Variants in RBFOX1 observed in about 807,000 individuals in gnomAD.
The protein encoded by RBFOX1 is RNA binding fox-1 homolog 1.
RBFOX1 carries 8 observed loss-of-function variants against 57.7 expected under a neutral mutation model. The observed-to-expected ratio is 0.14, with a 90% CI of 0.08 to 0.25. The LOEUF (loss-of-function observed/expected upper bound fraction) is 0.25. Among genes scored for constraint, RBFOX1 ranks in the 10% least tolerant of loss-of-function variants. The probability of loss-of-function intolerance (pLI) is 1.00; values close to 1 mark genes in which losing one functional copy is unlikely to be tolerated. For missense variants in RBFOX1, 611 were observed against 548.5 expected (o/e 1.11, Z -1.14); for synonymous variants, 326 against 222.4 (o/e 1.47, Z -4.15).
intron 1 of RBFOX1, among the ~76,000 whole-genome samples, chr16:6,071,050 C>T (rs1227981201): frequency 3.9e-5 from 6 of 152,112 alleles, no homozygotes; most frequent in Admixed American, 6.6e-5. Context: ...TGGCTGGGTG[C>T]GGTGGTTCAT....
At chr16:7,260,965 C>G (rs1246309595) in intron 4 of RBFOX1, among the ~76,000 whole-genome samples, 6 of 152,088 alleles carry the variant, frequency 3.9e-5, no homozygotes, top group African/African-American at 1.4e-4. Flanking sequence ...CTTCAAGGGT[C>G]AAGAAAGTTC....
At chr16:6,710,143 A>C (rs2063469218) in intron 3 of RBFOX1, among the ~76,000 whole-genome samples, 1 of 152,166 alleles carries the variant, frequency 6.6e-6, no homozygotes, top group Non-Finnish European at 1.5e-5. Flanking sequence ...AGGGGAGTCC[A>C]AATCCAAGCC....
intron 3 of RBFOX1, among the ~76,000 whole-genome samples, chr16:7,038,996 C>G (rs576638352): frequency 6.6e-6 from 1 of 151,980 alleles, no homozygotes; most frequent in Non-Finnish European, 1.5e-5. Context: ...AGAGCAGTGA[C>G]TCTCTTGATA....
intron 2 of RBFOX1, among the ~76,000 whole-genome samples, chr16:6,533,992 C>G (rs2153821543): frequency 6.6e-6 from 1 of 152,174 alleles, no homozygotes. Flanking sequence ...TATATACACA[C>G]ACACATACAC....
chr16:6,778,519 A>T (rs966765849), intron 3 of RBFOX1, among the ~76,000 whole-genome samples: 1 of 152,156 alleles, frequency 6.6e-6, no homozygotes, highest in African/African-American at 2.4e-5. Flanking sequence ...ATTCCCTAAG[A>T]TGATTAATAT....
At chr16:5,949,719 C>G (rs1198651172) in intron 4 of RBFOX1, among the ~76,000 whole-genome samples, 2 of 152,078 alleles carry the variant, frequency 1.3e-5, no homozygotes, top group African/African-American at 2.4e-5. Context: ...TCAAAATATG[C>G]TACCTCAACC....
intron 2 of RBFOX1, among the ~76,000 whole-genome samples, chr16:5,498,717 C>T (rs911396284): frequency 1.3e-5 from 2 of 152,210 alleles, no homozygotes; most frequent in East Asian, 3.8e-4. Context: ...TCTTATTTCC[C>T]AGCAGAAATT....
chr16:6,267,339 G>GT (rs1320485295), intron 1 of RBFOX1, among the ~76,000 whole-genome samples: 1 of 152,186 alleles, frequency 6.6e-6, no homozygotes, highest in Admixed American at 6.5e-5. Context: ...ATATTATTTG[G>GT]TGATTTGTTT....
chr16:7,154,972 G>C (rs1241882247), intron 4 of RBFOX1, among the ~76,000 whole-genome samples: 2 of 152,084 alleles, frequency 1.3e-5, no homozygotes, highest in Non-Finnish European at 2.9e-5. Flanking sequence ...TGTATCCTCA[G>C]AATAATATTT....
intron 3 of RBFOX1, among the ~76,000 whole-genome samples, chr16:6,880,183 T>C (rs1253679528): frequency 6.6e-6 from 1 of 151,176 alleles, no homozygotes; most frequent in African/African-American, 2.4e-5. Context: ...CCTCAATCTG[T>C]GTACTCCTTT....
At chr16:6,243,904 C>G (rs539353766) in intron 1 of RBFOX1, among the ~76,000 whole-genome samples, 1 of 152,238 alleles carries the variant, frequency 6.6e-6, no homozygotes, top group Non-Finnish European at 1.5e-5. Context: ...GCCATTGTAT[C>G]AACACTCATG....
chr16:6,178,828 C>T (rs780731826), intron 1 of RBFOX1, among the ~76,000 whole-genome samples: 1 of 152,124 alleles, frequency 6.6e-6, no homozygotes, highest in Non-Finnish European at 1.5e-5. Flanking sequence ...CTGTTTTTCA[C>T]TTGCAAATGA....
In RBFOX1 at chr16:5,657,732, C is replaced by CTTTTTTT; in HGVS notation, c.318+58775_318+58776insTTTTTTT. Among the ~76,000 whole-genome samples, 3 of 98,350 alleles carry CTTTTTTT rather than the reference C, an allele frequency of 3.1e-5. 1 individual carries two copies. Among genetic ancestry groups the CTTTTTTT allele is most frequent in the South Asian group, 4.0e-4 (1 of 2,522 alleles). The allele number at this position is 98,350 out of a possible 152,430, so 64.5% of individuals were successfully genotyped here. On this transcript the variant is annotated intron_variant, in intron 3 of 19. Transcript: ENST00000641259. ...TTTCTCTCTTTCTTTTGTTTCTTTT[C>CTTTTTTT]TTTTCTTTTTTTTTTTTTGAGACAG...
At chr16:6,024,494 C>T (rs1281902143) in intron 1 of RBFOX1, among the ~76,000 whole-genome samples, 1 of 151,276 alleles carries the variant, frequency 6.6e-6, no homozygotes, top group Non-Finnish European at 1.5e-5. Flanking sequence ...CTCATCTCCG[C>T]TTTCTTTTTT....
intron 1 of RBFOX1, among the ~76,000 whole-genome samples, chr16:6,099,854 C>G (rs753473872): frequency 5.3e-5 from 8 of 152,162 alleles, no homozygotes; most frequent in Non-Finnish European, 1.2e-4. Flanking sequence ...ACATGAATAA[C>G]AAATATTTTA....
intron 2 of RBFOX1, among the ~76,000 whole-genome samples, chr16:6,653,419 G>A (rs1428208961): frequency 6.6e-6 from 1 of 152,148 alleles, no homozygotes; most frequent in Non-Finnish European, 1.5e-5. Context: ...GCCAAGAGTT[G>A]CTAAAGAAAT....
chr16:6,124,623 C>G (rs1285245980), intron 1 of RBFOX1, among the ~76,000 whole-genome samples: 2 of 152,132 alleles, frequency 1.3e-5, no homozygotes, highest in Non-Finnish European at 2.9e-5. Context: ...CCACTTCAGC[C>G]TTCCGAGTAG....
intron 3 of RBFOX1, chr16:6,704,059 C>A (rs1413821070): frequency 2.0e-5 from 3 of 152,394 alleles, no homozygotes; most frequent in East Asian, 3.9e-4. Flanking sequence ...TCCTCGAGCT[C>A]TTTGAAGTTG....
At chr16:7,176,491 C>T (rs1213280646) in intron 4 of RBFOX1, among the ~76,000 whole-genome samples, 3 of 151,950 alleles carry the variant, frequency 2.0e-5, no homozygotes, top group Admixed American at 6.5e-5. Context: ...CTATACCTCT[C>T]GGGAAAAATC....
Sources: gnomAD v4.1 joint callset for allele counts (sites outside exome capture counted in the v4.1 genomes callset) on GRCh38, gnomAD v4.1.1 for gene constraint, MANE v1.5 for transcripts, NCBI Gene and HGNC (gene_info 2026-07-23, HGNC 2026-07-21) for gene names.